Variants in CEP97 observed in about 807,000 individuals in gnomAD.
CEP97 encodes centrosomal protein 97.
CEP97 carries 43 observed loss-of-function variants against 73.1 expected under a neutral mutation model. The ratio of observed to expected loss-of-function variants is 0.59; its 90% CI spans 0.46 to 0.76. The LOEUF is 0.76. Ranked by LOEUF, CEP97 falls within the 30% of genes least tolerant of loss-of-function variation. The pLI, the probability that CEP97 is intolerant of heterozygous loss-of-function variation, is 0.00. For synonymous variants in CEP97, 337 were observed against 370.0 expected, an observed-to-expected ratio of 0.91 and a Z score of 1.02; for missense variants, 939 against 1,014.0, an observed-to-expected ratio of 0.93 and a Z score of 1.00.
At chr3:101,757,228 C>T (rs776444063) in intron 8 of CEP97, 32 bp downstream of exon 8, 1 of 1,574,158 alleles carries the variant, frequency 6.4e-7, no homozygotes, top group Non-Finnish European at 8.6e-7. Flanking sequence ...GATCCCTTTT[C>T]TCCAAGTTGT....
chr3:101,742,041 C>CAAA (rs1387449559), intron 6 of CEP97, among the ~76,000 whole-genome samples: 1 of 82,080 alleles, frequency 1.2e-5, no homozygotes. Flanking sequence ...GACTCCGTCT[C>CAAA]AAAAAAAAAA....
At position 101,758,200 on chromosome 3, in the gene CEP97, G is replaced by A; in HGVS notation, c.1594G>A (p.Ala532Thr). 6.2e-7 allele frequency: 1 copy of A among 1,614,064 alleles called. No homozygotes were observed. ...AGAAAATAAAGAAACCATATCTCAA[G>A]CAACTTCAGAGAAACTTCCCATGAT... ...QPENKETISQ[A>T]TSEKLPMILT... The change falls in exon 9 of 11, where the codon GCA becomes ACA. Residue 532 changes from alanine to threonine, a missense_variant. Physicochemically the swap from Ala to Thr is moderately conservative, Grantham distance 58 (BLOSUM62 0). Coordinates refer to ENST00000341893, the MANE Select transcript of CEP97 (RefSeq NM_024548.4).
chr3:101,751,121 C>A (rs1363019751), intron 6 of CEP97, among the ~76,000 whole-genome samples: 1 of 152,102 alleles, frequency 6.6e-6, no homozygotes, highest in African/African-American at 2.4e-5. Context: ...TGTCTTTGTT[C>A]TTGTTGGTTT....
intron 6 of CEP97, among the ~76,000 whole-genome samples, chr3:101,740,857 G>A (rs1938429195): frequency 6.6e-6 from 1 of 152,170 alleles, no homozygotes; most frequent in Admixed American, 6.5e-5. Flanking sequence ...CCAAAGTGTT[G>A]GGATTACAGG....
intron 6 of CEP97, among the ~76,000 whole-genome samples, chr3:101,742,054 A>AC (rs71132595): frequency 0.3 from 44,455 of 148,916 alleles, 6,974 homozygotes; most frequent in Non-Finnish European, 0.34. Context: ...AAAAAAAAAA[A>AC]CAAAAAAACA....
chr3:101,736,729 G>A (rs1169555296), intron 6 of CEP97, among the ~76,000 whole-genome samples: 10 of 152,164 alleles, frequency 6.6e-5, no homozygotes, highest in South Asian at 2.1e-4. Context: ...ATAAATCCAC[G>A]AAGATGAGGA....
At chr3:101,748,918 G>C (rs1344073604) in intron 6 of CEP97, among the ~76,000 whole-genome samples, 1 of 152,150 alleles carries the variant, frequency 6.6e-6, no homozygotes, top group East Asian at 1.9e-4. Flanking sequence ...GGGATTACAG[G>C]TGTGAGCCAC....
In CEP97 at chr3:101,765,277, A is replaced by G. The variant is rs1178009494; in HGVS notation, c.2324A>G (p.Tyr775Cys). The change falls in exon 11 of 11, where the codon TAT (tyrosine) becomes TGT (cysteine). Residue 775 changes from tyrosine (Y) to cysteine (C), a missense_variant. By Grantham distance (194) the Tyr-to-Cys change is radical. Transcript: ENST00000341893. ...NEQDNSLLEQYLTSVQQLEDA... is the reference protein window; with the variant it reads ...NEQDNSLLEQCLTSVQQLEDA... ...CAGGACAATAGTCTGCTTGAACAGT[A>G]TTTAACTTCAGTTCAACAGCTGGAA... is the stretch of plus-strand genomic sequence containing the variant. 4 of 1,614,078 alleles carry G rather than the reference A, an allele frequency of 2.5e-6. No individual in the cohort carries two copies. In the African/African-American group the frequency reaches 5.3e-5, roughly 22 times the overall value.
At chr3:101,746,177 C>A (rs533630014) in intron 6 of CEP97, among the ~76,000 whole-genome samples, 46 of 152,280 alleles carry the variant, frequency 3.0e-4, no homozygotes, top group Admixed American at 3.3e-4. Context: ...TGGGTTGGTT[C>A]CAAGTCTTTG....
chr3:101,745,762 T>C (rs1258793293), intron 6 of CEP97, among the ~76,000 whole-genome samples: 9 of 151,910 alleles, frequency 5.9e-5, no homozygotes, highest in African/African-American at 2.2e-4. Flanking sequence ...TTTATTTAAA[T>C]TTATTATTAT....
At chr3:101,758,633 C>T (rs1441486587) in intron 9 of CEP97, 4 of 580,456 alleles carry the variant, frequency 6.9e-6, no homozygotes, top group Admixed American at 3.1e-5. Flanking sequence ...CAGCAAAGCA[C>T]TTGATACATA....
chr3:101,752,892 C>T (rs768195263), intron 6 of CEP97, among the ~76,000 whole-genome samples: 1 of 152,214 alleles, frequency 6.6e-6, no homozygotes, highest in Non-Finnish European at 1.5e-5. Flanking sequence ...CTTCTCTCAG[C>T]TCGTCAAAGT....
intron 6 of CEP97, among the ~76,000 whole-genome samples, chr3:101,741,808 G>A (rs11714278): frequency 0.32 from 47,988 of 151,966 alleles, 7,797 homozygotes; most frequent in Non-Finnish European, 0.35. Flanking sequence ...TTGGGAGTCC[G>A]AGGCAGGTGG....
intron 6 of CEP97, 77 bp from the exon 7 acceptor site, chr3:101,755,353 G>A (rs1938973910): frequency 1.6e-6 from 2 of 1,262,322 alleles, no homozygotes; most frequent in East Asian, 2.3e-5. Flanking sequence ...AAGTTAACAA[G>A]GAAGATCATT....
At chr3:101,760,598 G>C (rs1395581227) in intron 9 of CEP97, among the ~76,000 whole-genome samples, 2 of 152,062 alleles carry the variant, frequency 1.3e-5, no homozygotes, top group Admixed American at 6.6e-5. Context: ...CTGGAGTGTA[G>C]TGGCGTGATC....
chr3:101,758,445 T>C (rs1349531313), intron 9 of CEP97, 22 bp downstream of exon 9: 1 of 1,612,040 alleles, frequency 6.2e-7, no homozygotes, highest in Non-Finnish European at 8.5e-7. Flanking sequence ...GTCCTTTTGA[T>C]GCACTGTTTT....
chr3:101,753,609 G>A (rs1938910094), intron 6 of CEP97, among the ~76,000 whole-genome samples: 3 of 152,346 alleles, frequency 2.0e-5, no homozygotes, highest in East Asian at 1.9e-4. Flanking sequence ...GGGCAATGGC[G>A]GGCGCCCCTC....
At chr3:101,743,275 T>G (rs1938511606) in intron 6 of CEP97, among the ~76,000 whole-genome samples, 1 of 152,010 alleles carries the variant, frequency 6.6e-6, no homozygotes, top group South Asian at 2.1e-4. Context: ...ATCCCCTTTG[T>G]TTCCCTCTGG....
rs145437722 is a variant in CEP97 at position 101,727,506 on chromosome 3, C to T, written c.310C>T (p.Leu104=). Residue 104 remains leucine, a synonymous_variant, in exon 3 of 11, where the codon CTG becomes TTG. Coordinates refer to ENST00000341893, the MANE Select transcript of CEP97 (RefSeq NM_024548.4). The stretch of plus-strand genomic sequence containing the variant: ...GGAAGGGCTAAAGGAACTAGTACAT[C>T]TGGAATGGCTGAATTTGGCAGGAAA... ...CVEGLKELVH[L]EWLNLAGNNL... 3.6e-4 allele frequency: 580 copies of T among 1,611,552 alleles called. No individual in the cohort carries two copies. The African/African-American group carries it at 5.8e-3, about 16-fold the overall frequency.
Sources: gnomAD v4.1 joint callset for allele counts (sites outside exome capture counted in the v4.1 genomes callset) on GRCh38, gnomAD v4.1.1 for gene constraint, MANE v1.5 for transcripts, NCBI Gene and HGNC (gene_info 2026-07-23, HGNC 2026-07-21) for gene names.